Variants in IKBKE observed in about 807,000 individuals in gnomAD.
IKBKE encodes inhibitor of nuclear factor kappa B kinase subunit epsilon.
Under a neutral mutation model 92.1 loss-of-function variants are expected in IKBKE, and 45 were observed. The ratio of observed to expected loss-of-function variants is 0.49; its 90% CI spans 0.38 to 0.63. The LOEUF is 0.63. IKBKE is among the 20% of genes least tolerant of loss of function. The pLI, the probability that IKBKE is intolerant of heterozygous loss-of-function variation, is 0.00. For missense variants in IKBKE, 700 were observed against 932.8 expected (o/e 0.75, Z 3.25); for synonymous variants, 374 against 380.3 (o/e 0.98, Z 0.19).
intron 18 of IKBKE, chr1:206,492,217 G>A (rs549806656): frequency 2.0e-4 from 70 of 352,992 alleles, no homozygotes; most frequent in African/African-American, 1.2e-3. Context: ...TAAGGACAGT[G>A]GCAGTGGCCC....
chr1:206,489,203 T>C (rs1665806898), intron 16 of IKBKE, among the ~76,000 whole-genome samples: 1 of 149,080 alleles, frequency 6.7e-6, no homozygotes, highest in African/African-American at 2.5e-5. Flanking sequence ...CATCACTTCA[T>C]TGTTTTATAT....
chr1:206,481,849 G>A lies in IKBKE; in HGVS notation c.1427+1316G>A, dbSNP rs920088998. ...GGCTGGAGTGCAGTGGCGCGATCTCGGCTCACTGCAAGCTCCGCCTCCCGG... is the reference window on the plus strand; with the variant it reads ...GGCTGGAGTGCAGTGGCGCGATCTCAGCTCACTGCAAGCTCCGCCTCCCGG... On this transcript the variant is annotated intron_variant, in intron 13 of 21. Transcript: ENST00000581977. Among the ~76,000 whole-genome samples, 5 of 136,240 alleles carry A rather than the reference G, an allele frequency of 3.7e-5. No homozygotes were observed. In the South Asian group the frequency reaches 9.6e-4, roughly 26 times the overall value. The allele number at this position is 136,240 out of a possible 152,430, so 89.4% of individuals were successfully genotyped here.
intron 16 of IKBKE, among the ~76,000 whole-genome samples, chr1:206,488,481 C>T (rs1459306529): frequency 6.6e-6 from 1 of 152,150 alleles, no homozygotes; most frequent in Non-Finnish European, 1.5e-5. Flanking sequence ...CATTAATCCT[C>T]ACAAGGATGC....
At chr1:206,489,097 T>C (rs1172620657) in intron 16 of IKBKE, among the ~76,000 whole-genome samples, 1 of 151,734 alleles carries the variant, frequency 6.6e-6, no homozygotes, top group Admixed American at 6.6e-5. Context: ...AGGAGTACAA[T>C]GGCATGATCA....
chr1:206,474,496 A>G (rs1195983449), intron 4 of IKBKE, 25 bp downstream of exon 4: 6 of 1,601,046 alleles, frequency 3.7e-6, no homozygotes, highest in East Asian at 2.2e-5. Flanking sequence ...TGGTCAGAGA[A>G]TGGTCTTGTC....
intron 2 of IKBKE, among the ~76,000 whole-genome samples, chr1:206,472,098 A>G (rs990489239): frequency 4.8e-4 from 73 of 152,166 alleles, no homozygotes; most frequent in Admixed American, 2.6e-4. Flanking sequence ...AAAAATACAA[A>G]AGACAGCCAG....
Position 206,493,260 on chromosome 1 carries a change from C to G in IKBKE, c.1933-6C>G. The G allele has an allele frequency of 6.2e-7, 1 of 1,611,918 alleles. No homozygotes were observed. Among genetic ancestry groups the G allele is most frequent in the East Asian group, 2.2e-5 (1 of 44,872 alleles). On this transcript the variant is annotated splice_polypyrimidine_tract_variant and splice_region_variant and intron_variant, in intron 19 of 21. Coordinates refer to ENST00000581977, the MANE Select transcript of IKBKE (RefSeq NM_014002.4). ...AATTGCTGACCAAAGTATGGCTTCC[C>G]TGCAGCTCCTGGAAGAGCTATCTCA...
intron 17 of IKBKE, 51 bp from the exon 18 acceptor site, chr1:206,491,597 T>G (rs1665954218): frequency 7.7e-7 from 1 of 1,300,060 alleles, no homozygotes; most frequent in South Asian, 1.2e-5. Flanking sequence ...GGTGGGCTTG[T>G]GCATAGTGGT....
In IKBKE at chr1:206,474,867, CG is replaced by C; in HGVS notation, c.233del (p.Gly78GlufsTer8). 6.2e-7 allele frequency: 1 copy of C among 1,613,832 alleles called. No individual in the cohort carries two copies. Among genetic ancestry groups the C allele is most frequent in the Non-Finnish European group, 8.5e-7 (1 of 1,179,872 alleles). ...GCCCCTCTCTGTCCCACCCATAGGG[CG>C]GAAGCCGGCAGAAGGTACTGGTGAT... ...VKLFAVEETGGSRQKVLVMEY... is the reference protein window; with the variant it reads ...VKLFAVEETGXSRQKVLVMEY... On this transcript the variant is annotated frameshift_variant, in exon 5 of 22. Coordinates refer to ENST00000581977, the MANE Select transcript of IKBKE (RefSeq NM_014002.4). LOFTEE classifies it high-confidence loss of function.
chr1:206,474,479 C>T lies in IKBKE; in HGVS notation c.228+8C>T, dbSNP rs568141614. The T allele has an allele frequency of 6.3e-5, 101 of 1,610,400 alleles. No homozygotes were observed. Among genetic ancestry groups the T allele is most frequent in the South Asian group, 5.3e-4 (48 of 90,500 alleles). On this transcript the variant is annotated splice_region_variant and intron_variant, in intron 4 of 21. Coordinates refer to ENST00000581977, the MANE Select transcript of IKBKE (RefSeq NM_014002.4). ...TTTGCGGTGGAGGAGACGGTAGGTC[C>T]GGTGCTTGGTCAGAGAATGGTCTTG...
chr1:206,479,122 C>T lies in IKBKE; in HGVS notation c.1172C>T (p.Ala391Val). ...AGCACAGCCATCCCTAAGGGGCTGG[C>T]CTTCAGGGACCGTGAGTAGAGCCAC... Reference protein sequence around the residue: ...LFSTAIPKGLAFRDPALDVPK... With the variant: ...LFSTAIPKGLVFRDPALDVPK... Residue 391 changes from alanine (A) to valine (V), a missense_variant, in exon 10 of 22, where the codon GCC becomes GTC. Ala to Val is a moderately conservative substitution (Grantham distance 64, BLOSUM62 0). Coordinates refer to ENST00000581977, the MANE Select transcript of IKBKE (RefSeq NM_014002.4). The T allele has an allele frequency of 6.3e-7, 1 of 1,599,494 alleles. No individual in the cohort carries two copies. Among genetic ancestry groups the T allele is most frequent in the Non-Finnish European group, 8.5e-7 (1 of 1,172,816 alleles).
intron 17 of IKBKE, 100 bp from the exon 18 acceptor site, chr1:206,491,548 C>T (rs1437300726): frequency 4.5e-5 from 37 of 820,168 alleles, no homozygotes; most frequent in Admixed American, 1.5e-4. Context: ...TGGGCACTTA[C>T]GACAAGGTGG....
At chr1:206,484,254 G>A (rs1284406054) in intron 13 of IKBKE, among the ~76,000 whole-genome samples, 1 of 152,138 alleles carries the variant, frequency 6.6e-6, no homozygotes, top group Non-Finnish European at 1.5e-5. Context: ...GCCTCCCAAA[G>A]TGCTGGGATT....
At chr1:206,492,060 G>C in intron 18 of IKBKE, 1 of 332,380 alleles carries the variant, frequency 3.0e-6, no homozygotes, top group Non-Finnish European at 5.8e-6. Context: ...GCAGACCCAA[G>C]ACTCGTATGT....
Position 206,489,869 on chromosome 1 carries a change from C to G in IKBKE, c.1694-950C>G, listed in dbSNP as rs555727152. Among the ~76,000 whole-genome samples the G allele has an allele frequency of 7.9e-5, 12 of 152,326 alleles. No individual in the cohort carries two copies. The South Asian group carries it at 2.5e-3, about 32-fold the overall frequency. On this transcript the variant is annotated intron_variant, in intron 16 of 21. Coordinates refer to ENST00000581977, the MANE Select transcript of IKBKE (RefSeq NM_014002.4). ...TCAAAGGAGTTTTACTTCTATTGGTCTTTAAGAGTCCTTTAATAAAATTAA... is the reference window on the plus strand; with the variant it reads ...TCAAAGGAGTTTTACTTCTATTGGTGTTTAAGAGTCCTTTAATAAAATTAA...
At chr1:206,488,585 G>A (rs1665784048) in intron 16 of IKBKE, among the ~76,000 whole-genome samples, 1 of 152,266 alleles carries the variant, frequency 6.6e-6, no homozygotes, top group South Asian at 2.1e-4. Flanking sequence ...TGGGACCCAG[G>A]GAGGGCTGGT....
chr1:206,472,320 C>T (rs1664819377), intron 2 of IKBKE, among the ~76,000 whole-genome samples: 1 of 152,080 alleles, frequency 6.6e-6, no homozygotes, highest in Non-Finnish European at 1.5e-5. Context: ...CTTCTGTCCC[C>T]AGGTATCCCA....
Position 206,496,236 on chromosome 1 carries a change from A to C in IKBKE, c.*91A>C, listed in dbSNP as rs1352961977. Reference sequence around the variant, plus strand: ...TGAGACCAACCCAGGGCAAGATCCCATCCCATCACATCAGCCTACCTCCCT... The same window carrying C: ...TGAGACCAACCCAGGGCAAGATCCCCTCCCATCACATCAGCCTACCTCCCT... On this transcript the variant is annotated 3_prime_UTR_variant, in exon 22 of 22. Transcript: ENST00000581977. 2 of 1,024,724 alleles carry C rather than the reference A, an allele frequency of 2.0e-6. No homozygotes were observed. The highest frequency in any genetic ancestry group is 3.1e-5 in the African/African-American group (2 of 63,850). 63.5% of individuals were successfully genotyped at this position (1,024,724 alleles called of 1,614,324 possible).
chr1:206,491,793 G>T (rs371447830), intron 18 of IKBKE, 44 bp downstream of exon 18: 1 of 1,421,944 alleles, frequency 7.0e-7, no homozygotes, highest in Admixed American at 1.7e-5. Context: ...GCCTGGCCTG[G>T]CCCTTCTAGG....
Sources: allele counts gnomAD v4.1 joint callset (sites outside exome capture counted in the v4.1 genomes callset), GRCh38; gene constraint gnomAD v4.1.1; transcripts MANE v1.5; gene names NCBI Gene and HGNC (gene_info 2026-07-23, HGNC 2026-07-21).